Variants in SEMA3E observed in about 807,000 individuals in gnomAD.
SEMA3E encodes semaphorin-3E.
A neutral mutation model predicts 93.6 loss-of-function variants in SEMA3E; 49 were observed. The ratio of observed to expected loss-of-function variants is 0.52; its 90% CI spans 0.42 to 0.66. The LOEUF (loss-of-function observed/expected upper bound fraction) is 0.66, where lower values mean the gene tolerates loss of function less well. Among genes scored for constraint, SEMA3E ranks in the 30% least tolerant of loss-of-function variants. SEMA3E has a pLI of 0.00. For synonymous variants in SEMA3E, 363 were observed against 330.7 expected, an observed-to-expected ratio of 1.10 and a Z score of -1.06; for missense variants, 906 against 964.8, an observed-to-expected ratio of 0.94 and a Z score of 0.81.
chr7:83,383,799 C>T (rs1305145374), intron 16 of SEMA3E, among the ~76,000 whole-genome samples: 2 of 152,040 alleles, frequency 1.3e-5, no homozygotes, highest in South Asian at 2.1e-4. Flanking sequence ...ACAGAACATA[C>T]TGAGTGAGGA....
chr7:83,644,197 C>CA lies in SEMA3E; in HGVS notation c.115+4230dup, dbSNP rs11309191. On this transcript the variant is annotated intron_variant, in intron 1 of 16. Coordinates refer to ENST00000643230, the MANE Select transcript of SEMA3E (RefSeq NM_012431.3). ...ACAAATCGATATGTGTACACTACAG[C>CA]AAAAAAAAAAAATATATAGGCCATG... 5.7e-3 allele frequency among the ~76,000 whole-genome samples: 849 copies of CA among 148,374 alleles called. 6 individuals carry two copies. The highest frequency in any genetic ancestry group is 0.019 in the African/African-American group (768 of 40,824).
intron 1 of SEMA3E, among the ~76,000 whole-genome samples, chr7:83,598,529 T>A (rs1242168946): frequency 3.9e-5 from 6 of 152,196 alleles, no homozygotes; most frequent in Admixed American, 3.9e-4. Flanking sequence ...TATAGATAAC[T>A]AAGTCAGTGT....
intron 7 of SEMA3E, among the ~76,000 whole-genome samples, chr7:83,406,412 T>C (rs1423892471): frequency 1.3e-5 from 2 of 152,002 alleles, no homozygotes; most frequent in South Asian, 4.1e-4. Context: ...CTCAGGAATA[T>C]AGAAACACCC....
At chr7:83,533,862 T>C (rs994471750) in intron 1 of SEMA3E, among the ~76,000 whole-genome samples, 5 of 152,146 alleles carry the variant, frequency 3.3e-5, no homozygotes. Context: ...GGTCCTTCCC[T>C]GCCTGCCTTC....
At chr7:83,463,041 GCC>G (rs1789663452) in intron 4 of SEMA3E, among the ~76,000 whole-genome samples, 1 of 147,768 alleles carries the variant, frequency 6.8e-6, no homozygotes, top group Non-Finnish European at 1.5e-5. Flanking sequence ...TTCACAGACA[GCC>G]CCCGTTACTT....
chr7:83,569,616 A>G (rs1408180860), intron 1 of SEMA3E, among the ~76,000 whole-genome samples: 1 of 152,224 alleles, frequency 6.6e-6, no homozygotes, highest in Non-Finnish European at 1.5e-5. Flanking sequence ...ATGTTAACCA[A>G]CAACAATAAG....
intron 1 of SEMA3E, among the ~76,000 whole-genome samples, chr7:83,529,710 A>T (rs1403076812): frequency 6.6e-6 from 1 of 152,118 alleles, no homozygotes; most frequent in Non-Finnish European, 1.5e-5. Flanking sequence ...AATCCATTGA[A>T]CTGAAATGCT....
At chr7:83,570,507 C>G (rs1419896050) in intron 1 of SEMA3E, among the ~76,000 whole-genome samples, 1 of 120,468 alleles carries the variant, frequency 8.3e-6, no homozygotes, top group Non-Finnish European at 1.6e-5. Flanking sequence ...GAGCCGAGAT[C>G]CCGCCACTGC....
intron 1 of SEMA3E, among the ~76,000 whole-genome samples, chr7:83,608,246 A>T (rs1429985937): frequency 6.6e-6 from 1 of 152,062 alleles, no homozygotes; most frequent in South Asian, 2.1e-4. Context: ...TTTTAGCTTC[A>T]TTCAACAGAA....
At chr7:83,529,214 C>T (rs897322938) in intron 1 of SEMA3E, among the ~76,000 whole-genome samples, 3 of 152,222 alleles carry the variant, frequency 2.0e-5, no homozygotes, top group South Asian at 2.1e-4. Context: ...ATTTCTACCA[C>T]GGAGCACTCT....
chr7:83,549,857 A>C (rs1484868847), intron 1 of SEMA3E, among the ~76,000 whole-genome samples: 1 of 151,980 alleles, frequency 6.6e-6, no homozygotes, highest in Non-Finnish European at 1.5e-5. Flanking sequence ...CTGTGCATTT[A>C]TGGCCGTAAC....
intron 1 of SEMA3E, among the ~76,000 whole-genome samples, chr7:83,526,358 T>C (rs1791158931): frequency 1.3e-5 from 2 of 152,176 alleles, no homozygotes; most frequent in Admixed American, 1.3e-4. Flanking sequence ...AGTGCAAAGA[T>C]ACTCTGTTCT....
chr7:83,427,681 T>G (rs780916486), intron 4 of SEMA3E, among the ~76,000 whole-genome samples: 3 of 152,198 alleles, frequency 2.0e-5, no homozygotes, highest in Non-Finnish European at 2.9e-5. Flanking sequence ...TTTCATGTAG[T>G]GCACAACCCA....
chr7:83,583,254 A>G (rs1792550163), intron 1 of SEMA3E, among the ~76,000 whole-genome samples: 1 of 152,148 alleles, frequency 6.6e-6, no homozygotes, highest in Admixed American at 6.6e-5. Context: ...GTACATATTT[A>G]TGGGGTACAG....
intron 5 of SEMA3E, among the ~76,000 whole-genome samples, chr7:83,417,977 CAGAG>C (rs1184307479): frequency 6.6e-6 from 1 of 152,050 alleles, no homozygotes; most frequent in African/African-American, 2.4e-5. Flanking sequence ...CTACTAATAA[CAGAG>C]AAAGATACCA....
intron 4 of SEMA3E, among the ~76,000 whole-genome samples, chr7:83,421,074 G>T (rs1788662448): frequency 7.1e-6 from 1 of 141,604 alleles, no homozygotes; most frequent in African/African-American, 2.5e-5. Flanking sequence ...ATCCAACAAA[G>T]GTTTAATATC....
intron 1 of SEMA3E, among the ~76,000 whole-genome samples, chr7:83,532,662 C>A (rs575305017): frequency 5.3e-5 from 8 of 150,974 alleles, no homozygotes; most frequent in Non-Finnish European, 1.0e-4. Context: ...TCTCTCAATA[C>A]TTCAATTTAA....
chr7:83,390,056 TGTGCACATATATGCGC>T (rs1584213046), intron 14 of SEMA3E, among the ~76,000 whole-genome samples: 14 of 145,452 alleles, frequency 9.6e-5, no homozygotes, highest in South Asian at 2.1e-4. Flanking sequence ...CGCGTATACG[TGTGCACATATATGCGC>T]GTATACGTGT....
intron 1 of SEMA3E, among the ~76,000 whole-genome samples, chr7:83,626,291 C>G (rs577542758): frequency 3.9e-5 from 6 of 152,222 alleles, no homozygotes; most frequent in South Asian, 4.1e-4. Context: ...GTAGCAGCTC[C>G]TCTTTGTACC....
Sources: gnomAD v4.1 joint callset for allele counts (sites outside exome capture counted in the v4.1 genomes callset) on GRCh38, gnomAD v4.1.1 for gene constraint, MANE v1.5 for transcripts, NCBI Gene and HGNC (gene_info 2026-07-23, HGNC 2026-07-21) for gene names.